The following MARK4 variants were observed in gnomAD, a reference collection of about 807,000 sequenced individuals.
MARK4 encodes the protein microtubule affinity regulating kinase 4.
In MARK4, 19 loss-of-function variants were observed where a neutral mutation model predicts 81.5. The observed-to-expected ratio is 0.23, with a 90% CI of 0.16 to 0.34. MARK4 has a LOEUF of 0.34. Ranked by LOEUF, MARK4 falls within the 10% of genes least tolerant of loss-of-function variation. MARK4 has a pLI of 1.00. For missense variants in MARK4, 772 were observed against 1,058.8 expected, an observed-to-expected ratio of 0.73 and a Z score of 3.76; for synonymous variants, 436 against 439.0, an observed-to-expected ratio of 0.99 and a Z score of 0.08.
intron 2 of MARK4, among the ~76,000 whole-genome samples, chr19:45,261,935 A>G (rs1449724747): frequency 1.2e-5 from 1 of 80,294 alleles, no homozygotes; most frequent in Non-Finnish European, 3.4e-5. Context: ...CTCTGTCTCA[A>G]AAAAAAAAAA....
intron 16 of MARK4, among the ~76,000 whole-genome samples, chr19:45,301,272 A>AG (rs1478025921): frequency 3.9e-5 from 6 of 152,230 alleles, no homozygotes; most frequent in African/African-American, 1.2e-4. Context: ...TCTCAAAAAA[A>AG]CTAAGAAGTG....
At chr19:45,276,533 G>A (rs1444505481) in intron 8 of MARK4, among the ~76,000 whole-genome samples, 2 of 152,136 alleles carry the variant, frequency 1.3e-5, no homozygotes, top group Admixed American at 6.6e-5. Flanking sequence ...AGGCAGGAGA[G>A]GCAGTAGGGT....
chr19:45,262,222 G>A (rs1038612796), intron 2 of MARK4, among the ~76,000 whole-genome samples: 13 of 152,052 alleles, frequency 8.5e-5, no homozygotes, highest in African/African-American at 2.7e-4. Flanking sequence ...AGCTACTTGG[G>A]AGGCTGAGGT....
chr19:45,268,894 A>G (rs1568493548), intron 7 of MARK4, among the ~76,000 whole-genome samples: 1 of 152,182 alleles, frequency 6.6e-6, no homozygotes, highest in Non-Finnish European at 1.5e-5. Context: ...GTCCCTCCAC[A>G]CGGCCCTGGA....
chr19:45,280,413 A>G lies in MARK4; in HGVS notation c.1046A>G (p.Lys349Arg). ...VGMGYTREEI[K>R]ESLTSQKYNE... ...ATGGGCTACACACGGGAAGAAATCAAAGAGTCCTTGACCAGCCAGAAGTAC... is the reference window on the plus strand; with the variant it reads ...ATGGGCTACACACGGGAAGAAATCAGAGAGTCCTTGACCAGCCAGAAGTAC... Residue 349 changes from lysine (K) to arginine (R), a missense_variant, in exon 11 of 17, where the codon AAA (lysine) becomes AGA (arginine). Coordinates refer to ENST00000262891, the MANE Select transcript of MARK4 (RefSeq NM_001199867.2). 6.2e-7 allele frequency: 1 copy of G among 1,614,198 alleles called. No homozygotes were observed. Among genetic ancestry groups the G allele is most frequent in the Non-Finnish European group, 8.5e-7 (1 of 1,180,022 alleles).
chr19:45,302,171 C>G lies in MARK4; in HGVS notation c.1923-203C>G, dbSNP rs1052205317. On this transcript the variant is annotated intron_variant, in intron 16 of 16. Coordinates refer to ENST00000262891, the MANE Select transcript of MARK4 (RefSeq NM_001199867.2). This position sits in a 1 kb window ranked among gnomAD's most constrained non-coding sequence, Gnocchi z 4.9. ...CCAGAATTTACAGACAAGGTCACAC[C>G]TGGTTGCAAGGGAGGCTGGAAAGTG... Among the ~76,000 whole-genome samples, 2 of 152,200 alleles carry G rather than the reference C, an allele frequency of 1.3e-5. No homozygotes were observed. The highest frequency in any genetic ancestry group is 4.8e-5 in the African/African-American group (2 of 41,442).
chr19:45,272,489 CAG>C (rs761156537), intron 8 of MARK4, among the ~76,000 whole-genome samples: 22 of 152,234 alleles, frequency 1.4e-4, no homozygotes, highest in Middle Eastern at 3.4e-3. Context: ...TCCATAGAGA[CAG>C]AAAGTGGATT....
intron 16 of MARK4, among the ~76,000 whole-genome samples, chr19:45,300,274 G>A (rs1007932612): frequency 6.8e-6 from 1 of 147,368 alleles, no homozygotes; most frequent in African/African-American, 2.5e-5. Context: ...GAACCCGGGA[G>A]GCAGAGGTTG....
rs1971024660 is a variant in MARK4, at chr19:45,304,609, G to A, written c.*1899G>A. On this transcript the variant is annotated 3_prime_UTR_variant, in exon 17 of 17. Transcript: ENST00000262891. ...TGGTCAATTCCTGAGAGCATCCTCTGTGCTGGGGACACAGTGGTAATCAAG... is the reference window on the plus strand; with the variant it reads ...TGGTCAATTCCTGAGAGCATCCTCTATGCTGGGGACACAGTGGTAATCAAG... 1 of 152,338 alleles carries A rather than the reference G, an allele frequency of 6.6e-6. No homozygotes were observed. The highest frequency in any genetic ancestry group is 1.9e-4 in the East Asian group (1 of 5,182). 9.4% of individuals were successfully genotyped at this position (152,338 alleles called of 1,614,324 possible).
In MARK4 at chr19:45,280,700, C is replaced by T. The variant is rs764629068; in HGVS notation, c.1242C>T (p.Ser414=). ...SHSKGQRSSS[S]TYHRQRRHSD... ...GCAAAGGGCAGCGGAGTTCCTCTTCCACCTACCACCGCCAGCGCAGGCATA... is the reference window on the plus strand; with the variant it reads ...GCAAAGGGCAGCGGAGTTCCTCTTCTACCTACCACCGCCAGCGCAGGCATA... Residue 414 remains serine, a synonymous_variant, in exon 12 of 17, where the codon TCC becomes TCT. Coordinates refer to ENST00000262891, the MANE Select transcript of MARK4 (RefSeq NM_001199867.2). 2.7e-5 allele frequency: 44 copies of T among 1,614,050 alleles called. No homozygotes were observed. In the East Asian group the frequency reaches 9.6e-4, roughly 35 times the overall value.
rs1233457397 is a variant in MARK4, at chr19:45,251,621, C to A, written c.33C>A (p.Asn11Lys). 1.3e-6 allele frequency: 2 copies of A among 1,503,504 alleles called. No individual in the cohort carries two copies. Among genetic ancestry groups the A allele is most frequent in the Non-Finnish European group, 1.8e-6 (2 of 1,132,868 alleles). The allele number at this position is 1,503,504 out of a possible 1,614,324, so 93.1% of individuals were successfully genotyped here. The stretch of plus-strand genomic sequence containing the variant: ...CGCGGACGGTGCTGGCCCCGGGCAA[C>A]GATCGGAACTCGGACACGGTGAGTG... MSSRTVLAPG[N>K]DRNSDTHGTL... The change falls in exon 1 of 17, where the codon AAC (asparagine) becomes AAA (lysine). Residue 11 changes from asparagine to lysine, a missense_variant. Physicochemically the swap from Asn to Lys is moderately conservative, Grantham distance 94. This residue lies in a region of MARK4 where 115 missense variants were observed against 139.8 expected (regional missense o/e 0.82). Transcript: ENST00000262891.
Position 45,251,557 on chromosome 19 carries a change from C to G in MARK4, c.-32C>G. The stretch of plus-strand genomic sequence containing the variant: ...CCCTGGGACCCCCGCCCCCCCCACC[C>G]GGCCGCCCCTGCCCCCCGGGACCCG... On this transcript the variant is annotated 5_prime_UTR_variant, in exon 1 of 17. Transcript: ENST00000262891. 9.4e-7 allele frequency: 1 copy of G among 1,065,810 alleles called. No homozygotes were observed. The highest frequency in any genetic ancestry group is 1.2e-6 in the Non-Finnish European group (1 of 810,726). The allele number at this position is 1,065,810 out of a possible 1,614,324, so 66.0% of individuals were successfully genotyped here. A position where few individuals can be genotyped will look rare whatever the true frequency, so the allele number is the denominator to read the frequency against.
chr19:45,298,432 A>G lies in MARK4; in HGVS notation c.1877+478A>G, dbSNP rs145096941. ...CCAAGTGACCTTGAGCAAGTCACTC[A>G]AGGTCTCTGGGCCTGGTTTTCCTCT... On this transcript the variant is annotated intron_variant, in intron 15 of 16. Coordinates refer to ENST00000262891, the MANE Select transcript of MARK4 (RefSeq NM_001199867.2). 9.0e-4 allele frequency among the ~76,000 whole-genome samples: 137 copies of G among 152,224 alleles called. 2 individuals carry two copies. The highest frequency in any genetic ancestry group is 1.7e-3 in the Non-Finnish European group (113 of 68,024).
At chr19:45,265,009 C>A in intron 6 of MARK4, 99 bp downstream of exon 6, 1 of 1,229,356 alleles carries the variant, frequency 8.1e-7, no homozygotes, top group Non-Finnish European at 1.2e-6. Flanking sequence ...GACCTGGGGG[C>A]GGGGCTTAAG....
chr19:45,289,381 G>A (rs1320939373), intron 13 of MARK4, among the ~76,000 whole-genome samples: 1 of 60,488 alleles, frequency 1.7e-5, no homozygotes, highest in East Asian at 5.0e-4. Flanking sequence ...GCAAGACTCT[G>A]TTTCAAAAAA....
At chr19:45,274,741 T>C (rs538419815) in intron 8 of MARK4, among the ~76,000 whole-genome samples, 1 of 152,290 alleles carries the variant, frequency 6.6e-6, no homozygotes, top group East Asian at 1.9e-4. Flanking sequence ...GCCTCAAGCA[T>C]GAAGCTAAGA....
At chr19:45,270,501 C>G (rs1321276506) in intron 7 of MARK4, among the ~76,000 whole-genome samples, 3 of 152,106 alleles carry the variant, frequency 2.0e-5, no homozygotes, top group African/African-American at 7.2e-5. Flanking sequence ...ACTTGAGGCT[C>G]CAAGAGGGGC....
At chr19:45,253,361 A>AG (rs1970268831) in intron 1 of MARK4, among the ~76,000 whole-genome samples, 1 of 152,156 alleles carries the variant, frequency 6.6e-6, no homozygotes. Flanking sequence ...GTGAGGTGCC[A>AG]GGGGCTCCAC....
intron 12 of MARK4, among the ~76,000 whole-genome samples, chr19:45,280,987 C>G (rs1284940099): frequency 6.6e-6 from 1 of 151,982 alleles, no homozygotes; most frequent in Non-Finnish European, 1.5e-5. Context: ...TGCTTCCTCT[C>G]TGCTTGTGTG....
Sources: gnomAD v4.1 joint callset for allele counts (sites outside exome capture counted in the v4.1 genomes callset) on GRCh38, gnomAD v4.1.1 for gene constraint, gnomAD v4.1.1 regional missense constraint, Gnocchi (gnomAD v3.1) non-coding constraint, MANE v1.5 for transcripts, NCBI Gene and HGNC (gene_info 2026-07-23, HGNC 2026-07-21) for gene names.